The following DAAM1 variants were observed in gnomAD, a reference collection of about 807,000 sequenced individuals.
DAAM1 encodes dishevelled associated activator of morphogenesis 1, also known as disheveled-associated activator of morphogenesis 1.
In DAAM1, 52 loss-of-function variants were observed where a neutral mutation model predicts 130.0. That is an observed-to-expected ratio of 0.40 (90% CI 0.32 to 0.50). DAAM1 has a LOEUF of 0.50. Among genes scored for constraint, DAAM1 ranks in the 20% least tolerant of loss-of-function variants. The pLI is 0.61. For synonymous variants in DAAM1, 452 were observed against 444.5 expected (o/e 1.02, Z -0.21); for missense variants, 1,134 against 1,303.8 (o/e 0.87, Z 2.01).
chr14:59,284,391 T>C (rs1287381402), intron 2 of DAAM1, among the ~76,000 whole-genome samples: 2 of 152,154 alleles, frequency 1.3e-5, no homozygotes, highest in African/African-American at 4.8e-5. Context: ...GAACTGCAGA[T>C]ATATGCAAGA....
intron 1 of DAAM1, among the ~76,000 whole-genome samples, chr14:59,259,720 C>G (rs142850980): frequency 2.8e-4 from 43 of 152,302 alleles, no homozygotes; most frequent in African/African-American, 9.9e-4. Flanking sequence ...TGTACATCAG[C>G]GCTGCTGCTG....
intron 15 of DAAM1, among the ~76,000 whole-genome samples, chr14:59,337,060 G>A (rs1398901015): frequency 6.6e-6 from 1 of 152,154 alleles, no homozygotes; most frequent in African/African-American, 2.4e-5. Flanking sequence ...AAAATAGGAT[G>A]AGTTGCCAGT....
At chr14:59,242,859 G>A (rs1474492818) in intron 1 of DAAM1, among the ~76,000 whole-genome samples, 1 of 152,076 alleles carries the variant, frequency 6.6e-6, no homozygotes, top group Non-Finnish European at 1.5e-5. Context: ...CAGCCGCTGG[G>A]TACTATTATT....
chr14:59,198,568 G>A (rs1252992), intron 1 of DAAM1, among the ~76,000 whole-genome samples: 63,567 of 151,934 alleles, frequency 0.42, 13,496 homozygotes, highest in Non-Finnish European at 0.45. Context: ...AGCCTGATCC[G>A]GAAGGAGGGG....
At chr14:59,338,708 C>CT (rs1055292230) in intron 15 of DAAM1, among the ~76,000 whole-genome samples, 13 of 150,070 alleles carry the variant, frequency 8.7e-5, no homozygotes, top group Admixed American at 4.0e-4. Context: ...GGTTTCTTTA[C>CT]TTTTTTTTTA....
intron 16 of DAAM1, among the ~76,000 whole-genome samples, chr14:59,344,499 G>A (rs1189765525): frequency 6.6e-6 from 1 of 152,172 alleles, no homozygotes; most frequent in African/African-American, 2.4e-5. Flanking sequence ...CTGATTCTGT[G>A]GATGACAGAT....
intron 1 of DAAM1, among the ~76,000 whole-genome samples, chr14:59,253,758 C>T (rs566033083): frequency 4.6e-5 from 7 of 152,282 alleles, no homozygotes; most frequent in Admixed American, 1.3e-4. Context: ...GGGCTGGGAG[C>T]AGTACTCACT....
chr14:59,357,896 C>T (rs1247346045), intron 20 of DAAM1, among the ~76,000 whole-genome samples: 1 of 152,204 alleles, frequency 6.6e-6, no homozygotes, highest in East Asian at 1.9e-4. Context: ...TATTGAGAGA[C>T]TGTGAGAAAA....
At chr14:59,299,240 A>C (rs1044224617) in intron 3 of DAAM1, among the ~76,000 whole-genome samples, 2 of 152,244 alleles carry the variant, frequency 1.3e-5, no homozygotes, top group African/African-American at 4.8e-5. Context: ...ATAGAAGCCA[A>C]ATAAATACTT....
chr14:59,245,846 G>A (rs1031006229), intron 1 of DAAM1, among the ~76,000 whole-genome samples: 3 of 152,284 alleles, frequency 2.0e-5, no homozygotes, highest in South Asian at 4.1e-4. Context: ...AACAATTGTA[G>A]AGTTGAGTGT....
In DAAM1 at chr14:59,368,698, A is replaced by G; in HGVS notation, c.3046A>G (p.Asn1016Asp). The G allele has an allele frequency of 6.2e-7, 1 of 1,613,852 alleles. No individual in the cohort carries two copies. The highest frequency in any genetic ancestry group is 1.6e-4 in the Middle Eastern group (1 of 6,062). The part of the protein sequence containing the change: ...RERKMRKAKE[N>D]SEESGEFDDL... ...ACGTAAAATGAGAAAAGCTAAAGAG[A>G]ATAGTGAAGAAAGCGGAGAGTTTGA... is the stretch of plus-strand genomic sequence containing the variant. Residue 1016 changes from asparagine to aspartate, a missense_variant, in exon 25 of 25, where the codon AAT becomes GAT. Coordinates refer to ENST00000360909, the MANE Select transcript of DAAM1 (RefSeq NM_001270520.2).
chr14:59,258,032 A>T (rs886631304), intron 1 of DAAM1, among the ~76,000 whole-genome samples: 1 of 152,106 alleles, frequency 6.6e-6, no homozygotes, highest in African/African-American at 2.4e-5. Flanking sequence ...CCCCTATAAC[A>T]TGAGCCAACT....
intron 1 of DAAM1, among the ~76,000 whole-genome samples, chr14:59,213,853 C>T (rs1888500113): frequency 6.6e-6 from 1 of 152,158 alleles, no homozygotes; most frequent in South Asian, 2.1e-4. Context: ...GTGTTTGTGA[C>T]ATACTTTGCC....
intron 1 of DAAM1, among the ~76,000 whole-genome samples, chr14:59,193,775 C>T (rs1887804286): frequency 6.6e-6 from 1 of 152,170 alleles, no homozygotes. Flanking sequence ...AATGTGCTTC[C>T]CTCTGAGTGT....
At chr14:59,344,754 C>G (rs917608193) in intron 16 of DAAM1, among the ~76,000 whole-genome samples, 1 of 152,106 alleles carries the variant, frequency 6.6e-6, no homozygotes, top group Non-Finnish European at 1.5e-5. Context: ...GGTTGAGGAG[C>G]ATAAATATAT....
intron 3 of DAAM1, among the ~76,000 whole-genome samples, chr14:59,295,789 G>T (rs11628165): frequency 0.32 from 48,207 of 152,108 alleles, 8,899 homozygotes; most frequent in East Asian, 0.56. Context: ...TGTGAGAAAA[G>T]GGGTAAACTG....
intron 3 of DAAM1, among the ~76,000 whole-genome samples, chr14:59,298,629 C>T (rs1884048883): frequency 6.6e-6 from 1 of 152,258 alleles, no homozygotes; most frequent in South Asian, 2.1e-4. Flanking sequence ...AAATGAACAC[C>T]AAATTTTAGA....
At chr14:59,229,409 G>A (rs771855423) in intron 1 of DAAM1, among the ~76,000 whole-genome samples, 3 of 152,104 alleles carry the variant, frequency 2.0e-5, no homozygotes, top group African/African-American at 4.8e-5. Context: ...TTACTAATTC[G>A]TCTTTATGAC....
In DAAM1 at chr14:59,369,909, A is replaced by G. The variant is rs757770953; in HGVS notation, c.*1050A>G. 4 of 151,910 alleles carry G rather than the reference A, an allele frequency of 2.6e-5. No individual in the cohort carries two copies. Among genetic ancestry groups the G allele is most frequent in the Non-Finnish European group, 4.4e-5 (3 of 67,940 alleles). The allele number at this position is 151,910 out of a possible 1,614,324, so 9.4% of individuals were successfully genotyped here. A position where few individuals can be genotyped will look rare whatever the true frequency, so the allele number is the denominator to read the frequency against. ...AATGTCAACATCAGCAGAGATGCCC[A>G]GATCTATTTATCTCTAAGTATATTT... On this transcript the variant is annotated 3_prime_UTR_variant, in exon 25 of 25. Coordinates refer to ENST00000360909, the MANE Select transcript of DAAM1 (RefSeq NM_001270520.2).
Sources: allele counts gnomAD v4.1 joint callset (sites outside exome capture counted in the v4.1 genomes callset), GRCh38; gene constraint gnomAD v4.1.1; transcripts MANE v1.5; gene names NCBI Gene and HGNC (gene_info 2026-07-23, HGNC 2026-07-21).